Variants in ITGB6 observed in about 807,000 individuals in gnomAD.
ITGB6 encodes integrin beta-6.
A neutral mutation model predicts 84.5 loss-of-function variants in ITGB6; 80 were observed. The ratio of observed to expected loss-of-function variants is 0.95; its 90% CI spans 0.79 to 1.14. The LOEUF (loss-of-function observed/expected upper bound fraction) is 1.14, where lower values mean the gene tolerates loss of function less well. Ranked by LOEUF, ITGB6 falls within the 50% of genes most tolerant of loss-of-function variation. The probability of loss-of-function intolerance (pLI) is 0.00; values close to 1 mark genes in which losing one functional copy is unlikely to be tolerated. For synonymous variants in ITGB6, 383 were observed against 354.9 expected (o/e 1.08, Z -0.89); for missense variants, 1,006 against 968.0 (o/e 1.04, Z -0.52).
At chr2:160,164,454 G>C (rs750241638) in intron 7 of ITGB6, among the ~76,000 whole-genome samples, 1 of 152,166 alleles carries the variant, frequency 6.6e-6, no homozygotes, top group African/African-American at 2.4e-5. Context: ...CACTTTGGGA[G>C]GCCAAGGTGG....
chr2:160,107,582 A>AT (rs1488696219), intron 14 of ITGB6, 97 bp downstream of exon 14: 5 of 1,119,988 alleles, frequency 4.5e-6, no homozygotes, highest in Non-Finnish European at 6.5e-6. Flanking sequence ...AAAATGTGAC[A>AT]TTTGAACTCC....
chr2:160,121,553 G>A (rs990656140), intron 12 of ITGB6, among the ~76,000 whole-genome samples: 3 of 152,188 alleles, frequency 2.0e-5, no homozygotes, highest in African/African-American at 7.2e-5. Flanking sequence ...GGGAGGCTGA[G>A]GCGGGCAGAT....
At chr2:160,198,168 A>G (rs1007972951) in intron 2 of ITGB6, among the ~76,000 whole-genome samples, 2 of 152,166 alleles carry the variant, frequency 1.3e-5, no homozygotes, top group African/African-American at 4.8e-5. Flanking sequence ...CTTCTTGTAT[A>G]TTCTCAATCC....
chr2:160,111,599 G>GTT (rs35948673), intron 13 of ITGB6, among the ~76,000 whole-genome samples: 53,288 of 134,138 alleles, frequency 0.4, 12,254 homozygotes, highest in Non-Finnish European at 0.5. Context: ...CATCTTAGCT[G>GTT]TTTTTTTTTT....
rs558662529 is a variant in ITGB6 at position 160,161,103 on chromosome 2, G to T, written c.1017+8109C>A. Among the ~76,000 whole-genome samples the T allele has an allele frequency of 2.6e-5, 4 of 152,260 alleles. No individual in the cohort carries two copies. The South Asian group carries it at 6.2e-4, about 24-fold the overall frequency. On this transcript the variant is annotated intron_variant, in intron 7 of 14. Coordinates refer to ENST00000283249, the MANE Select transcript of ITGB6 (RefSeq NM_000888.5). ...TAAAAGTAACCCAGGAGGTAAAAAT[G>T]CAGTACTTGCTCAGGTTTTGGGCTG...
chr2:160,121,559 C>T (rs1413168324), intron 12 of ITGB6, among the ~76,000 whole-genome samples: 1 of 152,046 alleles, frequency 6.6e-6, no homozygotes, highest in Non-Finnish European at 1.5e-5. Context: ...CTGAGGCGGG[C>T]AGATGCCTTG....
rs557436728 is a variant in ITGB6, at chr2:160,114,698, C to T, written c.1982-2499G>A. 2.6e-4 allele frequency among the ~76,000 whole-genome samples: 40 copies of T among 152,224 alleles called. 1 individual carries two copies. The highest frequency in any genetic ancestry group is 7.9e-4 in the African/African-American group (33 of 41,526). On this transcript the variant is annotated intron_variant, in intron 12 of 14. Transcript: ENST00000283249. Reference sequence around the variant, plus strand: ...GCACCGTGCGCGAGCCAAAGCAGGGCGAGGCATTGCCTCACTCGGGAAGCA... The same window carrying T: ...GCACCGTGCGCGAGCCAAAGCAGGGTGAGGCATTGCCTCACTCGGGAAGCA...
intron 7 of ITGB6, among the ~76,000 whole-genome samples, chr2:160,164,813 G>A (rs1684944407): frequency 6.6e-6 from 1 of 152,142 alleles, no homozygotes; most frequent in Non-Finnish European, 1.5e-5. Flanking sequence ...TCTCAGTTAT[G>A]AGGCTTTGAG....
intron 12 of ITGB6, 34 bp from the exon 13 acceptor site, chr2:160,112,233 A>G: frequency 4.9e-6 from 1 of 202,694 alleles, no homozygotes; most frequent in Non-Finnish European, 8.6e-6. Context: ...TAGGTTAAAC[A>G]AGATTCCAAA....
intron 7 of ITGB6, among the ~76,000 whole-genome samples, chr2:160,142,710 CCA>C (rs1244536888): frequency 5.9e-5 from 9 of 152,148 alleles, no homozygotes. Context: ...CATTCTTTAC[CCA>C]CAGTGTTTTT....
chr2:160,126,526 C>G lies in ITGB6; in HGVS notation c.1736G>C (p.Ser579Thr). The change falls in exon 11 of 15, where the codon AGC (serine) becomes ACC (threonine). Residue 579 changes from serine (S) to threonine (T), a missense_variant. Transcript: ENST00000283249. The part of the protein sequence containing the change: ...WTGEYCNCTT[S>T]TDSCVSEDGV... ...ATCTTCAGAGACGCAGGAGTCCGTG[C>G]TGGTGGTGCAGTTGCAGTACTCGCC... 6.2e-7 allele frequency: 1 copy of G among 1,614,138 alleles called. No homozygotes were observed. Among genetic ancestry groups the G allele is most frequent in the Non-Finnish European group, 8.5e-7 (1 of 1,180,002 alleles).
intron 14 of ITGB6, among the ~76,000 whole-genome samples, chr2:160,105,238 T>G (rs1490498242): frequency 1.3e-5 from 2 of 152,098 alleles, no homozygotes; most frequent in Non-Finnish European, 2.9e-5. Flanking sequence ...TATTTTCCAT[T>G]TATGCTTTTT....
At chr2:160,152,306 A>T (rs966650067) in intron 7 of ITGB6, among the ~76,000 whole-genome samples, 1 of 152,244 alleles carries the variant, frequency 6.6e-6, no homozygotes, top group Non-Finnish European at 1.5e-5. Flanking sequence ...ATGCAAATCA[A>T]TAAACATAAT....
intron 11 of ITGB6, among the ~76,000 whole-genome samples, chr2:160,125,159 G>A (rs1217303752): frequency 1.3e-5 from 2 of 152,148 alleles, no homozygotes; most frequent in Non-Finnish European, 1.5e-5. Context: ...CACCTGTGAA[G>A]GCAGAGGCTG....
Position 160,147,213 on chromosome 2 carries a change from C to T in ITGB6, c.1018-5142G>A, listed in dbSNP as rs1222692523. 2.0e-5 allele frequency among the ~76,000 whole-genome samples: 3 copies of T among 152,066 alleles called. No individual in the cohort carries two copies. The East Asian group carries it at 5.8e-4, about 29-fold the overall frequency. ...GAAAAGAAAGAGAATATAACCAGCT[C>T]CCTAGTATCTTCCCTTGTATTGCCT... On this transcript the variant is annotated intron_variant, in intron 7 of 14. Transcript: ENST00000283249.
intron 10 of ITGB6, among the ~76,000 whole-genome samples, chr2:160,137,232 A>G (rs1683775984): frequency 6.6e-6 from 1 of 152,160 alleles, no homozygotes; most frequent in African/African-American, 2.4e-5. Context: ...ACATAAGTTC[A>G]GTTGGCAGAA....
intron 10 of ITGB6, among the ~76,000 whole-genome samples, chr2:160,126,995 T>G (rs1372736906): frequency 6.6e-6 from 1 of 152,154 alleles, no homozygotes; most frequent in East Asian, 1.9e-4. Flanking sequence ...CCCTTCTCCC[T>G]TTGGAATTCA....
At chr2:160,131,376 T>C (rs991712745) in intron 10 of ITGB6, among the ~76,000 whole-genome samples, 1 of 152,094 alleles carries the variant, frequency 6.6e-6, no homozygotes, top group Non-Finnish European at 1.5e-5. Flanking sequence ...AAAAGAACAT[T>C]GCGATAATAG....
rs375934849 is a variant in ITGB6, at chr2:160,172,741, A to C, written c.760-11T>G. Reference sequence around the variant, plus strand: ...CCAGCCAATTTTTTCCTACAGTGAGAAAGAAACATTTGTGTGATATTGGAG... The same window carrying C: ...CCAGCCAATTTTTTCCTACAGTGAGCAAGAAACATTTGTGTGATATTGGAG... On this transcript the variant is annotated splice_polypyrimidine_tract_variant and intron_variant, in intron 5 of 14. Transcript: ENST00000283249. 1.3e-5 allele frequency: 21 copies of C among 1,587,474 alleles called. No homozygotes were observed. In the African/African-American group the frequency reaches 2.5e-4, roughly 19 times the overall value.
Sources: allele counts gnomAD v4.1 joint callset (sites outside exome capture counted in the v4.1 genomes callset), GRCh38; gene constraint gnomAD v4.1.1; transcripts MANE v1.5; gene names NCBI Gene and HGNC (gene_info 2026-07-23, HGNC 2026-07-21).